SUCLG2: variants seen among roughly 807,000 people sequenced by gnomAD.
SUCLG2 encodes succinate-CoA ligase GDP-forming subunit beta.
Under a neutral mutation model 47.9 loss-of-function variants are expected in SUCLG2, and 42 were observed. The ratio of observed to expected loss-of-function variants is 0.88; its 90% CI spans 0.69 to 1.14. The LOEUF (loss-of-function observed/expected upper bound fraction) is 1.14, where lower values mean the gene tolerates loss of function less well. SUCLG2 is among the 50% of genes most tolerant of loss of function. SUCLG2 has a pLI of 0.00. For synonymous variants in SUCLG2, 195 were observed against 197.3 expected (o/e 0.99, Z 0.10); for missense variants, 571 against 525.9 (o/e 1.09, Z -0.84).
intron 7 of SUCLG2, among the ~76,000 whole-genome samples, chr3:67,504,889 T>A (rs1705596297): frequency 6.6e-6 from 1 of 152,232 alleles, no homozygotes; most frequent in African/African-American, 2.4e-5. Context: ...AAACATTGCT[T>A]CTTGCTTGGC....
intron 9 of SUCLG2, among the ~76,000 whole-genome samples, chr3:67,450,131 T>C (rs1180879153): frequency 6.6e-6 from 1 of 152,168 alleles, no homozygotes; most frequent in Admixed American, 6.5e-5. Flanking sequence ...AGCCTTGAAC[T>C]CCTGGGCTCA....
At chr3:67,543,780 T>C (rs915978051) in intron 2 of SUCLG2, among the ~76,000 whole-genome samples, 1 of 152,212 alleles carries the variant, frequency 6.6e-6, no homozygotes, top group Non-Finnish European at 1.5e-5. Context: ...CTTAATTATT[T>C]TGCAATTATG....
chr3:67,446,736 G>A (rs1327323794), intron 9 of SUCLG2, among the ~76,000 whole-genome samples: 1 of 151,856 alleles, frequency 6.6e-6, no homozygotes, highest in Non-Finnish European at 1.5e-5. Context: ...CCAGCCATGT[G>A]CAGGTCTTTT....
intron 10 of SUCLG2, among the ~76,000 whole-genome samples, chr3:67,367,655 A>C (rs942620542): frequency 7.2e-5 from 11 of 152,180 alleles, no homozygotes; most frequent in African/African-American, 2.4e-4. Flanking sequence ...CTTGGCCTCT[A>C]CCTACTAGAA....
At chr3:67,647,577 G>A (rs964384858) in intron 1 of SUCLG2, among the ~76,000 whole-genome samples, 7 of 152,242 alleles carry the variant, frequency 4.6e-5, no homozygotes, top group Non-Finnish European at 8.8e-5. Context: ...TGTGGCTACT[G>A]CCAATTCTTT....
intron 10 of SUCLG2, among the ~76,000 whole-genome samples, chr3:67,397,943 G>T (rs1259835068): frequency 6.6e-6 from 1 of 150,790 alleles, no homozygotes; most frequent in East Asian, 1.9e-4. Context: ...TTAATAAATG[G>T]TGCTGGGAAA....
chr3:67,453,695 C>A (rs1704111525), intron 9 of SUCLG2, among the ~76,000 whole-genome samples: 1 of 152,192 alleles, frequency 6.6e-6, no homozygotes, highest in African/African-American at 2.4e-5. Flanking sequence ...AAACAATCTT[C>A]CAATGCAGTT....
intron 1 of SUCLG2, among the ~76,000 whole-genome samples, chr3:67,615,384 C>G (rs1057302609): frequency 2.0e-5 from 3 of 149,598 alleles, no homozygotes; most frequent in Non-Finnish European, 2.9e-5. Context: ...AAAGAAATGT[C>G]CCTGAGCTCG....
At chr3:67,415,228 G>A (rs1394981879) in intron 9 of SUCLG2, among the ~76,000 whole-genome samples, 1 of 152,158 alleles carries the variant, frequency 6.6e-6, no homozygotes, top group Non-Finnish European at 1.5e-5. Context: ...ATGTTGGAAT[G>A]CAGAATAAAG....
intron 10 of SUCLG2, among the ~76,000 whole-genome samples, chr3:67,369,544 TG>T (rs1701922699): frequency 6.6e-6 from 1 of 152,186 alleles, no homozygotes; most frequent in African/African-American, 2.4e-5. Flanking sequence ...TGTGTGCCAT[TG>T]GTGGAAATGT....
intron 9 of SUCLG2, among the ~76,000 whole-genome samples, chr3:67,438,961 T>C (rs573996389): frequency 6.6e-6 from 1 of 152,352 alleles, no homozygotes; most frequent in African/African-American, 2.4e-5. Flanking sequence ...CCAATATCCA[T>C]GATGAACATC....
At chr3:67,606,323 G>T (rs1053849099) in intron 2 of SUCLG2, among the ~76,000 whole-genome samples, 6 of 152,270 alleles carry the variant, frequency 3.9e-5, no homozygotes, top group Admixed American at 3.3e-4. Flanking sequence ...CTCACTAAGT[G>T]CATATCTCCA....
intron 10 of SUCLG2, among the ~76,000 whole-genome samples, chr3:67,364,136 C>T (rs1028401872): frequency 6.6e-6 from 1 of 152,194 alleles, no homozygotes; most frequent in Non-Finnish European, 1.5e-5. Context: ...CCTGTGACCC[C>T]AGCCCTACTG....
chr3:67,563,793 A>T (rs1707375672), intron 2 of SUCLG2, among the ~76,000 whole-genome samples: 2 of 152,110 alleles, frequency 1.3e-5, no homozygotes, highest in African/African-American at 4.8e-5. Flanking sequence ...CCCCGTCTTT[A>T]CTAAAAATAC....
intron 4 of SUCLG2, among the ~76,000 whole-genome samples, chr3:67,525,217 C>T (rs1405141933): frequency 1.3e-5 from 2 of 152,134 alleles, no homozygotes; most frequent in Non-Finnish European, 2.9e-5. Context: ...AATTCATATA[C>T]AGGTTTAATA....
chr3:67,458,407 G>GTT (rs1704242278), intron 9 of SUCLG2, among the ~76,000 whole-genome samples: 1 of 152,114 alleles, frequency 6.6e-6, no homozygotes, highest in Admixed American at 6.5e-5. Context: ...ATAATAAGTC[G>GTT]AGGGGGTAGG....
At chr3:67,405,103 A>G (rs138929214) in intron 9 of SUCLG2, among the ~76,000 whole-genome samples, 27 of 151,248 alleles carry the variant, frequency 1.8e-4, no homozygotes, top group African/African-American at 6.1e-4. Flanking sequence ...GAGGGTTGCT[A>G]TTTACTGTTT....
intron 1 of SUCLG2, among the ~76,000 whole-genome samples, chr3:67,623,829 G>A (rs56341400): frequency 0.057 from 8,714 of 152,228 alleles, 343 homozygotes; most frequent in African/African-American, 0.11. Flanking sequence ...CAGCTTCCAG[G>A]GTGGCTGGGA....
At chr3:67,368,197 T>G (rs975444920) in intron 10 of SUCLG2, among the ~76,000 whole-genome samples, 2 of 152,226 alleles carry the variant, frequency 1.3e-5, no homozygotes, top group Non-Finnish European at 2.9e-5. Context: ...CTGAGAAGTA[T>G]GAGTCCAGTA....
Sources: allele counts gnomAD v4.1 joint callset (sites outside exome capture counted in the v4.1 genomes callset), GRCh38; gene constraint gnomAD v4.1.1; transcripts MANE v1.5; gene names NCBI Gene and HGNC (gene_info 2026-07-23, HGNC 2026-07-21).